SWI5: variants seen among roughly 807,000 people sequenced by gnomAD.
The protein encoded by SWI5 is SWI5 homologous recombination repair protein.
SWI5 carries 12 observed loss-of-function variants against 17.0 expected under a neutral mutation model. The ratio of observed to expected loss-of-function variants is 0.71; its 90% CI spans 0.45 to 1.14. The LOEUF (loss-of-function observed/expected upper bound fraction) is 1.14, where lower values mean the gene tolerates loss of function less well. SWI5 is among the 50% of genes most tolerant of loss of function. The pLI, the probability that SWI5 is intolerant of heterozygous loss-of-function variation, is 0.00. For missense variants in SWI5, 158 were observed against 162.2 expected (o/e 0.97, Z 0.14); for synonymous variants, 61 against 64.0 (o/e 0.95, Z 0.22).
chr9:128,281,636 G>A (rs1284084186), intron 2 of SWI5, among the ~76,000 whole-genome samples: 1 of 152,210 alleles, frequency 6.6e-6, no homozygotes, highest in Non-Finnish European at 1.5e-5. Context: ...TGTCTACTAT[G>A]TGCCATGTAC....
At chr9:128,288,546 GAGGTGGTCC>G (rs1335330555) in intron 4 of SWI5, 97 bp from the exon 5 acceptor site, 30 of 1,178,876 alleles carry the variant, frequency 2.5e-5, no homozygotes, top group Non-Finnish European at 3.6e-5. Flanking sequence ...CTTGAAGCCA[GAGGTGGTCC>G]TGGGTGGGTC....
upstream of SWI5, chr9:128,275,458 C>T: frequency 7.7e-7 from 1 of 1,298,986 alleles, no homozygotes; most frequent in Non-Finnish European, 9.8e-7. Flanking sequence ...AGACCCGAGA[C>T]CAAAGAACCC....
chr9:128,275,576 G>A (rs1343172977), upstream of SWI5: 4 of 1,097,080 alleles, frequency 3.6e-6, no homozygotes, highest in Non-Finnish European at 4.8e-6. Flanking sequence ...TGAATTGCTG[G>A]GGTCCTAGGT....
In SWI5 at chr9:128,283,195, G is replaced by A. The variant is rs1470998556; in HGVS notation, c.112-1315G>A. 5.3e-5 allele frequency among the ~76,000 whole-genome samples: 8 copies of A among 152,086 alleles called. No homozygotes were observed. The East Asian group carries it at 1.2e-3, about 22-fold the overall frequency. ...AAATTAGCCAGGCATGGTGGTGGGC[G>A]CCTGTAATCCCAGCTACTCAGGAGG... On this transcript the variant is annotated intron_variant, in intron 2 of 4. Transcript: ENST00000418976.
intron 1 of SWI5, 147 bp downstream of exon 1, chr9:128,276,549 C>T (rs1831385613): frequency 1.9e-6 from 3 of 1,583,934 alleles, no homozygotes; most frequent in South Asian, 1.2e-5. Context: ...TAGAGGGTCT[C>T]TACCCTGATC....
At chr9:128,287,557 C>CTTTT (rs754816266) in intron 4 of SWI5, among the ~76,000 whole-genome samples, 10 of 123,032 alleles carry the variant, frequency 8.1e-5, no homozygotes, top group Non-Finnish European at 1.5e-4. Flanking sequence ...TGGCCTATCC[C>CTTTT]TTTTTTTTTT....
At chr9:128,280,581 A>G (rs914276067) in intron 2 of SWI5, among the ~76,000 whole-genome samples, 1 of 151,036 alleles carries the variant, frequency 6.6e-6, no homozygotes, top group African/African-American at 2.4e-5. Context: ...ACAGTGGTGC[A>G]ATCTCGGCTC....
exon 1 of SWI5, chr9:128,276,354 C>A (rs749770444): frequency 6.2e-7 from 1 of 1,613,268 alleles, no homozygotes; most frequent in South Asian, 1.1e-5. Context: ...GACCCTCTTG[C>A]GCCATTGAAC....
At chr9:128,279,098 G>C (rs1234821256) in intron 2 of SWI5, among the ~76,000 whole-genome samples, 1 of 152,082 alleles carries the variant, frequency 6.6e-6, no homozygotes, top group East Asian at 1.9e-4. Context: ...CGGTACCTTG[G>C]GCTTGCTCCT....
intron 2 of SWI5, among the ~76,000 whole-genome samples, chr9:128,281,950 G>A (rs1466042517): frequency 6.6e-6 from 1 of 152,168 alleles, no homozygotes; most frequent in Non-Finnish European, 1.5e-5. Context: ...GAGTGTGATG[G>A]CACATGCCTG....
upstream of SWI5, chr9:128,276,184 C>T: frequency 6.3e-7 from 1 of 1,591,054 alleles, no homozygotes; most frequent in Non-Finnish European, 8.6e-7. Context: ...GGCGTCACAA[C>T]AAAAGCTGCG....
intron 2 of SWI5, 106 bp from the exon 3 acceptor site, chr9:128,284,404 G>T (rs1831596342): frequency 2.9e-6 from 4 of 1,384,006 alleles, no homozygotes; most frequent in African/African-American, 2.9e-5. Context: ...GAGGGGGTTA[G>T]GGTGCCTATT....
upstream of SWI5, chr9:128,276,036 A>G (rs1178601785): frequency 1.3e-6 from 2 of 1,589,496 alleles, no homozygotes; most frequent in Middle Eastern, 1.9e-4. Context: ...TGTGCGACGG[A>G]GCCAGAGGAG....
chr9:128,276,273 G>T lies in SWI5; in HGVS notation c.-68G>T, dbSNP rs1831365385. ...TGGGTGCGCGCGCAGCTTTCTGTGC[G>T]CCAGTTCACACTCCGGGTCAGAGTT... On this transcript the variant is annotated 5_prime_UTR_variant, in exon 1 of 5. Coordinates refer to ENST00000418976, the Ensembl canonical transcript of SWI5. 6.2e-7 allele frequency: 1 copy of T among 1,612,612 alleles called. No homozygotes were observed. Among genetic ancestry groups the T allele is most frequent in the Non-Finnish European group, 8.5e-7 (1 of 1,179,482 alleles).
rs778405826 is a variant in SWI5, at chr9:128,284,505, C to T, written c.112-5C>T. 6.2e-7 allele frequency: 1 copy of T among 1,612,682 alleles called. No homozygotes were observed. Among genetic ancestry groups the T allele is most frequent in the Admixed American group, 1.7e-5 (1 of 59,864 alleles). The stretch of plus-strand genomic sequence containing the variant: ...GTCTGGCTGATGACTTTTTCTGCCT[C>T]TCAGAGGCCATTGCCCAAGTCTGGC... On this transcript the variant is annotated splice_region_variant and splice_polypyrimidine_tract_variant and intron_variant, in intron 2 of 4. Transcript: ENST00000418976.
chr9:128,276,284 C>T lies in SWI5; in HGVS notation c.-57C>T, dbSNP rs201931207. On this transcript the variant is annotated 5_prime_UTR_variant, in exon 1 of 5. Coordinates refer to ENST00000418976, the Ensembl canonical transcript of SWI5. Reference sequence around the variant, plus strand: ...GCAGCTTTCTGTGCGCCAGTTCACACTCCGGGTCAGAGTTCCTGGCCCGGT... The same window carrying T: ...GCAGCTTTCTGTGCGCCAGTTCACATTCCGGGTCAGAGTTCCTGGCCCGGT... 90 of 1,612,730 alleles carry T rather than the reference C, an allele frequency of 5.6e-5. 2 individuals are homozygous for T. The Admixed American group carries it at 1.4e-3, about 25-fold the overall frequency.
At chr9:128,282,115 G>A (rs1336951375) in intron 2 of SWI5, among the ~76,000 whole-genome samples, 1 of 152,180 alleles carries the variant, frequency 6.6e-6, no homozygotes, top group African/African-American at 2.4e-5. Flanking sequence ...AAGGCCGGGT[G>A]CGGTGGCTCA....
chr9:128,278,262 C>T (rs1831470775), intron 2 of SWI5, among the ~76,000 whole-genome samples: 1 of 151,734 alleles, frequency 6.6e-6, no homozygotes. Context: ...AGCTTCCATT[C>T]CTTCCATTTT....
chr9:128,285,874 C>A lies in SWI5; in HGVS notation c.234-65C>A. 8.9e-7 allele frequency: 1 copy of A among 1,117,382 alleles called. No homozygotes were observed. Among genetic ancestry groups the A allele is most frequent in the African/African-American group, 1.5e-5 (1 of 65,390 alleles). 69.2% of individuals were successfully genotyped at this position (1,117,382 alleles called of 1,614,324 possible). A position where few individuals can be genotyped will look rare whatever the true frequency, so the allele number is the denominator to read the frequency against. On this transcript the variant is annotated intron_variant, in intron 3 of 4. Coordinates refer to ENST00000418976, the Ensembl canonical transcript of SWI5. This position sits in a 1 kb window ranked among gnomAD's most constrained non-coding sequence, Gnocchi z 4.8. ...TACAGATGCCTTATTACTATCTGAG[C>A]CTGGGGCCATCATCTGCTTTCTTAA...
Sources: gnomAD v4.1 joint callset for allele counts (sites outside exome capture counted in the v4.1 genomes callset) on GRCh38, gnomAD v4.1.1 for gene constraint, Gnocchi (gnomAD v3.1) non-coding constraint, MANE v1.5 for transcripts, NCBI Gene and HGNC (gene_info 2026-07-23, HGNC 2026-07-21) for gene names.